The following TTC6 variants were observed in gnomAD, a reference collection of about 807,000 sequenced individuals.
TTC6 encodes the protein tetratricopeptide repeat protein 6.
Under a neutral mutation model 210.4 loss-of-function variants are expected in TTC6, and 172 were observed. That is an observed-to-expected ratio of 0.82 (90% CI 0.72 to 0.93). TTC6 has a LOEUF of 0.93. TTC6 is among the 40% of genes least tolerant of loss of function. The pLI is 0.00. For missense variants in TTC6, 2,414 were observed against 2,318.1 expected (o/e 1.04, Z -0.85); for synonymous variants, 804 against 819.6 (o/e 0.98, Z 0.32).
At chr14:37,614,773 G>A (rs1399941302) in intron 2 of TTC6, among the ~76,000 whole-genome samples, 4 of 152,084 alleles carry the variant, frequency 2.6e-5, no homozygotes. Flanking sequence ...TTGAGACAGA[G>A]TCTTGCTGTG....
At chr14:37,717,501 T>G (rs891141196) in intron 6 of TTC6, among the ~76,000 whole-genome samples, 6 of 152,138 alleles carry the variant, frequency 3.9e-5, no homozygotes, top group African/African-American at 1.2e-4. Flanking sequence ...TCACCCAGTA[T>G]GAAATAGATT....
intron 1 of TTC6, among the ~76,000 whole-genome samples, chr14:37,629,611 C>G (rs1205841391): frequency 6.6e-6 from 1 of 152,098 alleles, no homozygotes; most frequent in East Asian, 1.9e-4. Flanking sequence ...TTTCTCTTGC[C>G]TGATTGCTCT....
At chr14:37,824,515 A>C (rs1958687) in intron 27 of TTC6, among the ~76,000 whole-genome samples, 131,338 of 152,082 alleles carry the variant, frequency 0.86, 57,806 homozygotes, top group Non-Finnish European at 0.95. Context: ...TTAACTGAGC[A>C]CTAAATGTAG....
chr14:37,606,270 T>C (rs1249008300), intron 1 of TTC6, among the ~76,000 whole-genome samples: 1 of 152,154 alleles, frequency 6.6e-6, no homozygotes, highest in Non-Finnish European at 1.5e-5. Flanking sequence ...TTATTCTCTG[T>C]TATACTCTCT....
intron 10 of TTC6, among the ~76,000 whole-genome samples, chr14:37,744,871 A>G (rs1179574169): frequency 1.3e-5 from 2 of 152,128 alleles, no homozygotes; most frequent in African/African-American, 2.4e-5. Context: ...AGCTGTTGAA[A>G]TAATCTAGGT....
chr14:37,809,682 T>C (rs1043878251), intron 24 of TTC6, among the ~76,000 whole-genome samples: 2 of 152,192 alleles, frequency 1.3e-5, no homozygotes, highest in Admixed American at 1.3e-4. Context: ...GTGACCAGGT[T>C]TGGCCTATAT....
intron 1 of TTC6, among the ~76,000 whole-genome samples, chr14:37,658,699 A>C (rs1009704429): frequency 6.6e-5 from 10 of 152,228 alleles, no homozygotes; most frequent in African/African-American, 9.6e-5. Flanking sequence ...CAAAAACTAC[A>C]TTTACACACC....
intron 3 of TTC6, among the ~76,000 whole-genome samples, chr14:37,694,769 C>T (rs2095811403): frequency 6.6e-6 from 1 of 152,036 alleles, no homozygotes; most frequent in Admixed American, 6.6e-5. Flanking sequence ...AGGCTGGGCA[C>T]AGTGGTTCAT....
At chr14:37,630,920 T>G (rs1439236651) in intron 1 of TTC6, among the ~76,000 whole-genome samples, 25 of 78,528 alleles carry the variant, frequency 3.2e-4, no homozygotes, top group South Asian at 4.2e-4. Flanking sequence ...TTTTTTTTTT[T>G]TTTTTTTTTT....
intron 14 of TTC6, 32 bp downstream of exon 16, chr14:37,753,267 T>A (rs1354333119): frequency 3.4e-6 from 5 of 1,469,232 alleles, no homozygotes; most frequent in Non-Finnish European, 4.5e-6. Flanking sequence ...GTTTTAAAAT[T>A]ATTACTATTA....
intron 26 of TTC6, 128 bp from the exon 29 acceptor site, chr14:37,823,619 T>C (rs1469472242): frequency 5.2e-5 from 43 of 830,594 alleles, no homozygotes; most frequent in Non-Finnish European, 7.4e-5. Flanking sequence ...CAATGGGTAA[T>C]AGAAATGGAG....
chr14:37,741,921 T>C (rs2095921063), intron 10 of TTC6, among the ~76,000 whole-genome samples: 1 of 152,160 alleles, frequency 6.6e-6, no homozygotes, highest in African/African-American at 2.4e-5. Context: ...TCTGCTTTGG[T>C]CTCTGAGCTC....
intron 14 of TTC6, among the ~76,000 whole-genome samples, chr14:37,781,717 A>G (rs772994170): frequency 2.0e-4 from 31 of 152,184 alleles, no homozygotes; most frequent in Non-Finnish European, 4.1e-4. Flanking sequence ...TATGTCCTGA[A>G]TGGTAATGCC....
Position 37,783,630 on chromosome 14 carries a change from C to T in TTC6, c.3267-3838C>T, listed in dbSNP as rs574641659. On this transcript the variant is annotated intron_variant, in intron 14 of 30. Coordinates refer to ENST00000553443, the Ensembl canonical transcript of TTC6. ...AAGGATTTTTTGTGTCTCTATCTCC[C>T]TGAGTTCTGCTCTGATCTTAGTTAT... 8.0e-4 allele frequency among the ~76,000 whole-genome samples: 121 copies of T among 151,976 alleles called. 1 individual carries two copies. Among genetic ancestry groups the T allele is most frequent in the African/African-American group, 2.7e-3 (113 of 41,482 alleles).
chr14:37,810,498 G>A (rs1023265559), intron 24 of TTC6, among the ~76,000 whole-genome samples: 5 of 152,186 alleles, frequency 3.3e-5, no homozygotes, highest in Non-Finnish European at 7.3e-5. Flanking sequence ...TTACAGATGA[G>A]GAAATGGAAG....
At chr14:37,765,976 C>T (rs1326376568) in intron 14 of TTC6, among the ~76,000 whole-genome samples, 1 of 152,070 alleles carries the variant, frequency 6.6e-6, no homozygotes, top group Non-Finnish European at 1.5e-5. Flanking sequence ...TCTCCCACAC[C>T]ATCCCCCAAG....
intron 20 of TTC6, among the ~76,000 whole-genome samples, chr14:37,803,341 T>G (rs891395356): frequency 1.4e-4 from 22 of 152,198 alleles, no homozygotes; most frequent in African/African-American, 5.1e-4. Context: ...TAAAAAAATT[T>G]TTTTGAATTA....
exon 28 of TTC6, chr14:37,826,233 C>A (rs2096171085): frequency 6.2e-7 from 1 of 1,607,726 alleles, no homozygotes; most frequent in Non-Finnish European, 8.5e-7. Flanking sequence ...ACCACTTTAC[C>A]ATTGCCATAG....
At chr14:37,832,502 T>C (rs2096188382) in intron 29 of TTC6, among the ~76,000 whole-genome samples, 1 of 152,072 alleles carries the variant, frequency 6.6e-6, no homozygotes, top group East Asian at 1.9e-4. Flanking sequence ...TAGGTTTTGG[T>C]ATGTTGTGTT....
Sources: gnomAD v4.1 joint callset for allele counts (sites outside exome capture counted in the v4.1 genomes callset) on GRCh38, gnomAD v4.1.1 for gene constraint, MANE v1.5 for transcripts, NCBI Gene and HGNC (gene_info 2026-07-23, HGNC 2026-07-21) for gene names.